Variants in HECW2 observed in about 807,000 individuals in gnomAD.
HECW2 encodes the protein E3 ubiquitin-protein ligase HECW2.
In HECW2, 61 loss-of-function variants were observed where a neutral mutation model predicts 175.2. That is an observed-to-expected ratio of 0.35 (90% CI 0.28 to 0.43). The LOEUF is 0.43. HECW2 is among the 20% of genes least tolerant of loss of function. The pLI is 1.00. For synonymous variants in HECW2, 671 were observed against 731.0 expected, an observed-to-expected ratio of 0.92 and a Z score of 1.32; for missense variants, 1,524 against 2,000.5, an observed-to-expected ratio of 0.76 and a Z score of 4.54.
chr2:196,314,442 C>CG (rs1327690172), intron 10 of HECW2, among the ~76,000 whole-genome samples: 1 of 152,240 alleles, frequency 6.6e-6, no homozygotes, highest in Non-Finnish European at 1.5e-5. Context: ...TCTACCCACA[C>CG]AATAGGCCCT....
intron 2 of HECW2, among the ~76,000 whole-genome samples, chr2:196,386,056 G>A (rs13413368): frequency 0.057 from 8,746 of 152,122 alleles, 371 homozygotes; most frequent in African/African-American, 0.11. Context: ...ATGAAGAATC[G>A]GACTAACGAG....
At chr2:196,228,056 T>C in intron 22 of HECW2, 46 bp downstream of exon 22, 1 of 1,470,362 alleles carries the variant, frequency 6.8e-7, no homozygotes, top group Non-Finnish European at 9.1e-7. Flanking sequence ...AAAACTAATA[T>C]CATAGGAAAT....
At position 196,319,328 on chromosome 2, in the gene HECW2, T is replaced by C. The variant is rs369043687; in HGVS notation, c.1562A>G (p.His521Arg). Residue 521 changes from histidine (H) to arginine (R), a missense_variant, in exon 9 of 29, where the codon CAC becomes CGC. By Grantham distance (29) the His-to-Arg change is conservative. Transcript: ENST00000644978. ...NPVENEEAST[H>R]EAASFEDKPE... ...CTTATCCTCAAAGGAAGCAGCTTCGTGTGTGGAGGCTTCCTCATTCTCAAC... is the reference window on the plus strand; with the variant it reads ...CTTATCCTCAAAGGAAGCAGCTTCGCGTGTGGAGGCTTCCTCATTCTCAAC... 1.3e-5 allele frequency: 21 copies of C among 1,613,966 alleles called. No homozygotes were observed. In the East Asian group the frequency reaches 3.3e-4, roughly 26 times the overall value.
chr2:196,289,205 C>T (rs1164295420), intron 14 of HECW2: 1 of 152,120 alleles, frequency 6.6e-6, no homozygotes, highest in African/African-American at 2.4e-5. Context: ...CAAATTTTAG[C>T]CTGAGAACAT....
chr2:196,319,405 G>A lies in HECW2; in HGVS notation c.1485C>T (p.Ser495=). The change falls in exon 9 of 29, where the codon TCC becomes TCT. Residue 495 remains serine (S), a synonymous_variant. Coordinates refer to ENST00000644978, the MANE Select transcript of HECW2 (RefSeq NM_001348768.2). ...ATGTCAGGCTTCCATCATCAGCTCT[G>A]GATGCCCTGCTAAACATGATCAGGC... The part of the protein sequence containing the change: ...EGGLIMFSRA[S]RADDGSLTSQ... 6.2e-7 allele frequency: 1 copy of A among 1,614,038 alleles called. No individual in the cohort carries two copies. The highest frequency in any genetic ancestry group is 1.7e-5 in the Admixed American group (1 of 60,014).
At chr2:196,465,618 T>C (rs550973116) in intron 1 of HECW2, among the ~76,000 whole-genome samples, 23 of 152,010 alleles carry the variant, frequency 1.5e-4, no homozygotes, top group African/African-American at 4.1e-4. Flanking sequence ...TGCTTTTCCA[T>C]GATAAAGATT....
chr2:196,401,825 C>G (rs1559089406), intron 2 of HECW2, among the ~76,000 whole-genome samples: 1 of 152,232 alleles, frequency 6.6e-6, no homozygotes, highest in East Asian at 1.9e-4. Context: ...AAAACAAAAT[C>G]CCTCAGATAA....
chr2:196,534,647 A>C (rs1180809044), intron 1 of HECW2, among the ~76,000 whole-genome samples: 2 of 152,134 alleles, frequency 1.3e-5, no homozygotes, highest in Non-Finnish European at 2.9e-5. Context: ...CGCAGGAGGG[A>C]GAGCTGGGGC....
chr2:196,495,225 G>A (rs930599902), intron 1 of HECW2, among the ~76,000 whole-genome samples: 2 of 152,010 alleles, frequency 1.3e-5, no homozygotes, highest in South Asian at 4.2e-4. Context: ...ACGCCACCAC[G>A]CCCAGCTAAT....
At chr2:196,379,621 C>T (rs1460468851) in intron 2 of HECW2, among the ~76,000 whole-genome samples, 4 of 146,464 alleles carry the variant, frequency 2.7e-5, no homozygotes, top group Non-Finnish European at 5.9e-5. Flanking sequence ...GGAGGCAGAG[C>T]TTGCAGTGAG....
intron 2 of HECW2, among the ~76,000 whole-genome samples, chr2:196,358,965 G>C (rs185991765): frequency 6.6e-6 from 1 of 152,260 alleles, no homozygotes; most frequent in Non-Finnish European, 1.5e-5. Context: ...TTCTGTCAAT[G>C]AGCTTTAAGC....
At chr2:196,590,523 C>T (rs537375384) in intron 1 of HECW2, among the ~76,000 whole-genome samples, 5 of 152,330 alleles carry the variant, frequency 3.3e-5, no homozygotes, top group South Asian at 2.1e-4. Context: ...AGGCCAGGCC[C>T]ACAGCAAGCC....
chr2:196,525,506 T>C lies in HECW2; in HGVS notation c.-36+68002A>G, dbSNP rs1308999142. Among the ~76,000 whole-genome samples the C allele has an allele frequency of 6.2e-5, 9 of 145,346 alleles. No individual in the cohort carries two copies. The East Asian group carries it at 1.9e-3, about 30-fold the overall frequency. ...AAAGTTAATATTGTTATGTGTGAATTTGATCCTGTCATTATGATGTTAGCT... is the reference window on the plus strand; with the variant it reads ...AAAGTTAATATTGTTATGTGTGAATCTGATCCTGTCATTATGATGTTAGCT... On this transcript the variant is annotated intron_variant, in intron 1 of 28. Transcript: ENST00000644978.
intron 1 of HECW2, among the ~76,000 whole-genome samples, chr2:196,468,832 A>C (rs572302701): frequency 6.6e-6 from 1 of 152,320 alleles, no homozygotes; most frequent in East Asian, 1.9e-4. Flanking sequence ...ACCTAAGCCA[A>C]GCCTACAGGT....
intron 14 of HECW2, among the ~76,000 whole-genome samples, chr2:196,279,055 A>ATTT (rs1160688354): frequency 8.0e-5 from 12 of 149,546 alleles, no homozygotes; most frequent in African/African-American, 2.0e-4. Context: ...AAAAAAAAAA[A>ATTT]TTTTTTTTTT....
intron 1 of HECW2, among the ~76,000 whole-genome samples, chr2:196,568,028 T>C (rs1236208836): frequency 6.6e-6 from 1 of 152,204 alleles, no homozygotes; most frequent in East Asian, 1.9e-4. Context: ...AATATAATAT[T>C]TCAAACATAT....
At chr2:196,300,277 C>T (rs1690995416) in intron 13 of HECW2, among the ~76,000 whole-genome samples, 1 of 152,168 alleles carries the variant, frequency 6.6e-6, no homozygotes, top group Admixed American at 6.5e-5. Flanking sequence ...GTCTTTGGGC[C>T]AAAACCCTAA....
intron 1 of HECW2, among the ~76,000 whole-genome samples, chr2:196,525,638 G>C (rs1458493561): frequency 2.0e-5 from 3 of 148,630 alleles, no homozygotes; most frequent in Admixed American, 2.0e-4. Context: ...TCCATGTTTA[G>C]TGCTTCCTTC....
intron 1 of HECW2, among the ~76,000 whole-genome samples, chr2:196,482,412 G>A (rs1686872121): frequency 2.0e-5 from 3 of 152,224 alleles, no homozygotes; most frequent in Admixed American, 6.5e-5. Flanking sequence ...GTGCTGGGAT[G>A]CACTCAGCAC....
Sources: gnomAD v4.1 joint callset for allele counts (sites outside exome capture counted in the v4.1 genomes callset) on GRCh38, gnomAD v4.1.1 for gene constraint, MANE v1.5 for transcripts, NCBI Gene and HGNC (gene_info 2026-07-23, HGNC 2026-07-21) for gene names.